Variants in TPST1 observed in about 807,000 individuals in gnomAD.
TPST1 encodes tyrosylprotein sulfotransferase 1.
Under a neutral mutation model 34.8 loss-of-function variants are expected in TPST1, and 20 were observed. The observed-to-expected ratio is 0.57, with a 90% confidence interval of 0.40 to 0.84. The LOEUF (loss-of-function observed/expected upper bound fraction) is 0.84, where lower values mean the gene tolerates loss of function less well. Among genes scored for constraint, TPST1 ranks in the 40% least tolerant of loss-of-function variants. TPST1 has a pLI of 0.00. For synonymous variants in TPST1, 152 were observed against 159.4 expected (o/e 0.95, Z 0.35); for missense variants, 353 against 455.5 (o/e 0.78, Z 2.05).
chr7:66,209,608 T>G (rs1367562465), intron 1 of TPST1, among the ~76,000 whole-genome samples: 1 of 152,238 alleles, frequency 6.6e-6, no homozygotes. Context: ...TTTTCCCACT[T>G]AGCCACCTGT....
At position 66,359,985 on chromosome 7, in the gene TPST1, C is replaced by G. The variant is rs1030313110; in HGVS notation, c.*120C>G. On this transcript the variant is annotated 3_prime_UTR_variant, in exon 6 of 6. Transcript: ENST00000304842. ...TGGAGCGTCTGCACCTTGGCTGCGC[C>G]GCCTGTGCATTTGCCAGTTTCCTCC... is the stretch of plus-strand genomic sequence containing the variant. The G allele has an allele frequency of 6.6e-6, 3 of 456,450 alleles. No individual in the cohort carries two copies. The highest frequency in any genetic ancestry group is 6.0e-5 in the African/African-American group (3 of 50,068). 28.3% of individuals were successfully genotyped at this position (456,450 alleles called of 1,614,324 possible). A position where few individuals can be genotyped will look rare whatever the true frequency, so the allele number is the denominator to read the frequency against.
At chr7:66,231,553 C>A (rs1340154510) in intron 1 of TPST1, among the ~76,000 whole-genome samples, 1 of 152,240 alleles carries the variant, frequency 6.6e-6, no homozygotes, top group African/African-American at 2.4e-5. Context: ...CTGGGGGACC[C>A]AGTACACCCT....
At chr7:66,220,380 A>C (rs550986987) in intron 1 of TPST1, among the ~76,000 whole-genome samples, 165 of 152,306 alleles carry the variant, frequency 1.1e-3, no homozygotes, top group African/African-American at 3.8e-3. Context: ...AATTCATTCA[A>C]AAGGCTCTAG....
At chr7:66,241,952 CCT>C (rs1790045178) in intron 2 of TPST1, among the ~76,000 whole-genome samples, 1 of 152,126 alleles carries the variant, frequency 6.6e-6, no homozygotes, top group South Asian at 2.1e-4. Context: ...AAGGATATAA[CCT>C]CTCTTATTTT....
At chr7:66,308,102 A>T (rs1296791345) in intron 3 of TPST1, among the ~76,000 whole-genome samples, 1 of 152,212 alleles carries the variant, frequency 6.6e-6, no homozygotes, top group Non-Finnish European at 1.5e-5. Flanking sequence ...CAAAATGTGC[A>T]GTCATGTACA....
At chr7:66,322,359 C>T (rs1263129259) in intron 3 of TPST1, among the ~76,000 whole-genome samples, 3 of 152,140 alleles carry the variant, frequency 2.0e-5, no homozygotes, top group Non-Finnish European at 2.9e-5. Context: ...TCTTGAAAAA[C>T]GGAAAACTTT....
chr7:66,357,824 G>T (rs983149340), intron 5 of TPST1, among the ~76,000 whole-genome samples: 1 of 152,128 alleles, frequency 6.6e-6, no homozygotes, highest in African/African-American at 2.4e-5. Flanking sequence ...GGTGGCTCAT[G>T]CCTGTAATCC....
At chr7:66,247,507 G>C (rs1451050684) in intron 2 of TPST1, among the ~76,000 whole-genome samples, 1 of 152,132 alleles carries the variant, frequency 6.6e-6, no homozygotes, top group East Asian at 1.9e-4. Context: ...AGGTCATCTT[G>C]GGCAATGTGT....
upstream of TPST1, chr7:66,205,172 G>C (rs1487460087): frequency 6.6e-6 from 1 of 152,282 alleles, no homozygotes; most frequent in East Asian, 1.9e-4. This position sits in a 1 kb window ranked among gnomAD's most constrained non-coding sequence, Gnocchi z 5.0. Flanking sequence ...GGCGCCTGCC[G>C]GACCCAGCTC....
chr7:66,294,753 A>G (rs1387151918), intron 3 of TPST1, among the ~76,000 whole-genome samples: 1 of 151,960 alleles, frequency 6.6e-6, no homozygotes, highest in Non-Finnish European at 1.5e-5. Context: ...ATTTACACAT[A>G]TTATTCTTAA....
intron 3 of TPST1, among the ~76,000 whole-genome samples, chr7:66,328,698 CA>C (rs1333728241): frequency 2.0e-5 from 3 of 151,184 alleles, no homozygotes; most frequent in Non-Finnish European, 4.4e-5. Flanking sequence ...GCACATGCCA[CA>C]ACGCCTGGCT....
At chr7:66,261,892 T>A (rs1487805331) in intron 2 of TPST1, among the ~76,000 whole-genome samples, 2 of 152,208 alleles carry the variant, frequency 1.3e-5, no homozygotes, top group East Asian at 1.9e-4. Flanking sequence ...GTGCTATAAA[T>A]GTGTGTTAGC....
chr7:66,286,817 A>ATTTT lies in TPST1; in HGVS notation c.1044+119_1044+122dup, dbSNP rs71051348. On this transcript the variant is annotated intron_variant, in intron 3 of 5. Coordinates refer to ENST00000304842, the MANE Select transcript of TPST1 (RefSeq NM_003596.4). Reference sequence around the variant, plus strand: ...TGCTATTTAATGATCAGAAAAATATATTTTTTTTTTTTTTCATTTATTTTT... The same window carrying ATTTT: ...TGCTATTTAATGATCAGAAAAATATATTTTTTTTTTTTTTTTTTCATTTATTTTT... 4.7e-6 allele frequency: 3 copies of ATTTT among 640,366 alleles called. No individual in the cohort carries two copies. The African/African-American group carries it at 6.1e-5, about 13-fold the overall frequency. The allele number at this position is 640,366 out of a possible 1,614,324, so 39.7% of individuals were successfully genotyped here.
chr7:66,303,881 A>G (rs1791368983), intron 3 of TPST1, among the ~76,000 whole-genome samples: 1 of 152,208 alleles, frequency 6.6e-6, no homozygotes, highest in Non-Finnish European at 1.5e-5. Context: ...TATGCCAGGA[A>G]CCAAGAAAAG....
chr7:66,341,365 G>T (rs1457348181), intron 3 of TPST1, among the ~76,000 whole-genome samples: 5 of 152,090 alleles, frequency 3.3e-5, no homozygotes, highest in Admixed American at 3.3e-4. Flanking sequence ...TGCAACCTCC[G>T]CCTCCTGGGT....
At chr7:66,279,308 C>T (rs976636275) in intron 2 of TPST1, among the ~76,000 whole-genome samples, 1 of 152,204 alleles carries the variant, frequency 6.6e-6, no homozygotes, top group African/African-American at 2.4e-5. Flanking sequence ...ATATCTACCA[C>T]ATTTTCATCA....
chr7:66,344,548 G>A (rs574477450), intron 3 of TPST1: 1 of 152,228 alleles, frequency 6.6e-6, no homozygotes, highest in South Asian at 2.1e-4. Flanking sequence ...GAGTAGCTGG[G>A]ATTACAGGTG....
intron 3 of TPST1, among the ~76,000 whole-genome samples, chr7:66,316,776 A>G (rs145793178): frequency 1.3e-5 from 2 of 152,352 alleles, no homozygotes; most frequent in East Asian, 3.9e-4. Flanking sequence ...CTTTTTTAGT[A>G]TAAGTATGTT....
At chr7:66,328,906 A>ATATATATATAT (rs1299138303) in intron 3 of TPST1, among the ~76,000 whole-genome samples, 10 of 13,156 alleles carry the variant, frequency 7.6e-4, no homozygotes, top group Admixed American at 1.2e-3. Context: ...ATATATATAT[A>ATATATATATAT]TTTTTTTTTT....
Sources: allele counts gnomAD v4.1 joint callset (sites outside exome capture counted in the v4.1 genomes callset), GRCh38; gene constraint gnomAD v4.1.1; non-coding constraint Gnocchi (gnomAD v3.1); transcripts MANE v1.5; gene names NCBI Gene and HGNC (gene_info 2026-07-23, HGNC 2026-07-21).